ICA1: variants seen among roughly 807,000 people sequenced by gnomAD.
The protein encoded by ICA1 is 69 kDa islet cell autoantigen.
In ICA1, 40 loss-of-function variants were observed where a neutral mutation model predicts 71.0. The ratio of observed to expected loss-of-function variants is 0.56; its 90% confidence interval spans 0.44 to 0.73. The LOEUF (loss-of-function observed/expected upper bound fraction) is 0.73, where lower values mean the gene tolerates loss of function less well. ICA1 is among the 30% of genes least tolerant of loss of function. ICA1 has a pLI of 0.00. For missense variants in ICA1, 578 were observed against 576.5 expected (o/e 1.00, Z -0.03); for synonymous variants, 207 against 209.5 (o/e 0.99, Z 0.10).
intron 6 of ICA1, among the ~76,000 whole-genome samples, chr7:8,190,287 T>C (rs938141151): frequency 6.6e-6 from 1 of 152,142 alleles, no homozygotes; most frequent in African/African-American, 2.4e-5. Flanking sequence ...GGCTGAAACC[T>C]TTCATATTTA....
chr7:8,234,386 G>A lies in ICA1; in HGVS notation c.17+1524C>T, dbSNP rs1801191394. ...CATCCTCTTTGGACCTAGAGTCCCT[G>A]CCCCAAAGGCTCCCCTGACCCCCCC... On this transcript the variant is annotated intron_variant, in intron 2 of 13. Coordinates refer to ENST00000402384, the MANE Select transcript of ICA1 (RefSeq NM_001136020.3). The surrounding 1 kb of genome is among the most constrained non-coding windows in gnomAD (Gnocchi z 4.5). Among the ~76,000 whole-genome samples, 1 of 151,932 alleles carries A rather than the reference G, an allele frequency of 6.6e-6. No homozygotes were observed. Among genetic ancestry groups the A allele is most frequent in the African/African-American group, 2.4e-5 (1 of 41,332 alleles).
At position 8,173,904 on chromosome 7, in the gene ICA1, G is replaced by A. The variant is rs1562830988; in HGVS notation, c.580-15252C>T. On this transcript the variant is annotated intron_variant, in intron 6 of 13. Transcript: ENST00000402384. The surrounding 1 kb of genome is among the most constrained non-coding windows in gnomAD (Gnocchi z 4.0). ...CTTTCATGATGGTTATGTTGTAGTGGGTGAAACTGGACAATAAATAACAAA... is the reference window on the plus strand; with the variant it reads ...CTTTCATGATGGTTATGTTGTAGTGAGTGAAACTGGACAATAAATAACAAA... 6.6e-6 allele frequency among the ~76,000 whole-genome samples: 1 copy of A among 151,930 alleles called. No homozygotes were observed. Among genetic ancestry groups the A allele is most frequent in the Non-Finnish European group, 1.5e-5 (1 of 67,988 alleles).
At chr7:8,178,252 A>T (rs994332723) in intron 6 of ICA1, among the ~76,000 whole-genome samples, 3 of 152,184 alleles carry the variant, frequency 2.0e-5, no homozygotes, top group Non-Finnish European at 4.4e-5. Flanking sequence ...TAGGAAGCAC[A>T]TATCTTGATT....
intron 12 of ICA1, among the ~76,000 whole-genome samples, chr7:8,135,648 C>T (rs761987286): frequency 6.6e-6 from 1 of 152,262 alleles, no homozygotes; most frequent in Middle Eastern, 3.4e-3. Flanking sequence ...AAGTTTTCAC[C>T]CACACCTATG....
chr7:8,185,904 G>C (rs1390050968), intron 6 of ICA1, among the ~76,000 whole-genome samples: 1 of 152,196 alleles, frequency 6.6e-6, no homozygotes, highest in Non-Finnish European at 1.5e-5. Context: ...AGGCATGTAG[G>C]AGCCTGGGTT....
At chr7:8,122,268 T>C (rs552404814) in intron 13 of ICA1, among the ~76,000 whole-genome samples, 35 of 152,200 alleles carry the variant, frequency 2.3e-4, no homozygotes, top group African/African-American at 8.4e-4. Context: ...TAAGCTAAGA[T>C]GTGGGAGGTG....
chr7:8,221,061 A>T (rs187733288), intron 5 of ICA1, among the ~76,000 whole-genome samples: 2,489 of 152,088 alleles, frequency 0.016, 61 homozygotes, highest in African/African-American at 0.057. Flanking sequence ...ATGAAAAAAA[A>T]TTTTTTTTAA....
intron 1 of ICA1, among the ~76,000 whole-genome samples, chr7:8,243,864 T>C (rs1804901581): frequency 6.6e-6 from 1 of 152,172 alleles, no homozygotes; most frequent in African/African-American, 2.4e-5. Context: ...TTACAAGGGA[T>C]GTGAAGGACC....
At position 8,159,238 on chromosome 7, in the gene ICA1, C is replaced by T. The variant is rs80109951; in HGVS notation, c.580-586G>A. Among the ~76,000 whole-genome samples the T allele has an allele frequency of 4.4e-3, 675 of 152,294 alleles. 4 individuals are homozygous for T. Among genetic ancestry groups the T allele is most frequent in the Non-Finnish European group, 6.3e-3 (431 of 68,020 alleles). On this transcript the variant is annotated intron_variant, in intron 6 of 13. Transcript: ENST00000402384. Reference sequence around the variant, plus strand: ...TTTGACACAGCCTAAAAAAACTATTCCCATGGATGAAACTTTTTACTACTG... The same window carrying T: ...TTTGACACAGCCTAAAAAAACTATTTCCATGGATGAAACTTTTTACTACTG...
intron 12 of ICA1, among the ~76,000 whole-genome samples, chr7:8,129,441 A>G (rs1484400485): frequency 6.6e-6 from 1 of 152,046 alleles, no homozygotes; most frequent in Admixed American, 6.5e-5. Context: ...TTACATAAAG[A>G]TCTAAAGATG....
chr7:8,260,656 A>G (rs1391693424), intron 1 of ICA1, among the ~76,000 whole-genome samples: 1 of 152,228 alleles, frequency 6.6e-6, no homozygotes, highest in Non-Finnish European at 1.5e-5. Context: ...CCAAAGAGTG[A>G]TATTTGAGCT....
chr7:8,192,908 C>A (rs1253267239), intron 6 of ICA1, among the ~76,000 whole-genome samples: 4 of 152,232 alleles, frequency 2.6e-5, no homozygotes, highest in Non-Finnish European at 5.9e-5. Flanking sequence ...TTTGACAAGT[C>A]CCCCTTATTC....
chr7:8,242,016 A>C (rs1385067507), intron 1 of ICA1, among the ~76,000 whole-genome samples: 1 of 152,210 alleles, frequency 6.6e-6, no homozygotes. Flanking sequence ...ACGAGACAGA[A>C]GGTTAACAAG....
chr7:8,259,798 G>A (rs912872471), intron 1 of ICA1, among the ~76,000 whole-genome samples: 2 of 152,162 alleles, frequency 1.3e-5, no homozygotes, highest in Admixed American at 1.3e-4. Context: ...ATATGATTGT[G>A]ATACGAAATG....
At chr7:8,195,344 C>T (rs1222653980) in intron 6 of ICA1, among the ~76,000 whole-genome samples, 11 of 152,092 alleles carry the variant, frequency 7.2e-5, no homozygotes, top group African/African-American at 2.2e-4. Flanking sequence ...AGTTCGAGAC[C>T]GGCCTGGCCA....
rs144444226 is a variant in ICA1 at position 8,116,845 on chromosome 7, C to G, written c.1331-2801G>C. 3.9e-3 allele frequency among the ~76,000 whole-genome samples: 593 copies of G among 152,284 alleles called. 6 individuals are homozygous for G. Among genetic ancestry groups the G allele is most frequent in the African/African-American group, 0.014 (571 of 41,550 alleles). On this transcript the variant is annotated intron_variant, in intron 13 of 13. Coordinates refer to ENST00000402384, the MANE Select transcript of ICA1 (RefSeq NM_001136020.3). ...ACAGATAAGTAAATAACAGTCCAGT[C>G]CAAATATATGAGGGGGAAAGAAATC...
chr7:8,250,413 G>A (rs898980765), intron 1 of ICA1, among the ~76,000 whole-genome samples: 1 of 152,186 alleles, frequency 6.6e-6, no homozygotes, highest in African/African-American at 2.4e-5. Context: ...TGGAGGATGG[G>A]AAGTTCAATT....
Position 8,187,506 on chromosome 7 carries a change from T to C in ICA1, c.580-28854A>G, listed in dbSNP as rs1562908495. ...TGAATGTGAAGGCCCAGGACATTAC[T>C]GTACACTACTTTAGACTGCATAAGC... On this transcript the variant is annotated intron_variant, in intron 6 of 13. Transcript: ENST00000402384. Among the ~76,000 whole-genome samples, 5 of 152,230 alleles carry C rather than the reference T, an allele frequency of 3.3e-5. No individual in the cohort carries two copies. In the South Asian group the frequency reaches 1.0e-3, roughly 32 times the overall value.
At chr7:8,232,789 C>T in intron 2 of ICA1, 34 bp from the exon 3 acceptor site, 1 of 1,496,924 alleles carries the variant, frequency 6.7e-7, no homozygotes. Flanking sequence ...TTATTCACAC[C>T]TTTCATAAAG....
Sources: allele counts gnomAD v4.1 joint callset (sites outside exome capture counted in the v4.1 genomes callset), GRCh38; gene constraint gnomAD v4.1.1; non-coding constraint Gnocchi (gnomAD v3.1); transcripts MANE v1.5; gene names NCBI Gene and HGNC (gene_info 2026-07-23, HGNC 2026-07-21).